Variants in HERC4 observed in about 807,000 individuals in gnomAD.
HERC4 encodes probable E3 ubiquitin-protein ligase HERC4.
Under a neutral mutation model 124.3 loss-of-function variants are expected in HERC4, and 28 were observed. That is an observed-to-expected ratio of 0.23 (90% CI 0.17 to 0.31). HERC4 has a LOEUF of 0.31. Among genes scored for constraint, HERC4 ranks in the 10% least tolerant of loss-of-function variants. The probability of loss-of-function intolerance (pLI) is 1.00; values close to 1 mark genes in which losing one functional copy is unlikely to be tolerated. For synonymous variants in HERC4, 407 were observed against 421.5 expected (o/e 0.97, Z 0.42); for missense variants, 713 against 1,229.3 (o/e 0.58, Z 6.28).
intron 14 of HERC4, 62 bp downstream of exon 14, chr10:67,990,149 C>T (rs1424431033): frequency 1.5e-6 from 2 of 1,378,340 alleles, no homozygotes; most frequent in African/African-American, 1.5e-5. Flanking sequence ...GGCAAAAGAA[C>T]TTATGAAGCA....
intron 23 of HERC4, among the ~76,000 whole-genome samples, chr10:67,925,684 A>T (rs2030833696): frequency 6.6e-6 from 1 of 152,078 alleles, no homozygotes; most frequent in South Asian, 2.1e-4. Context: ...TGTGAATATG[A>T]GGAATGTATG....
intron 15 of HERC4, among the ~76,000 whole-genome samples, chr10:67,970,590 TC>T (rs1272696738): frequency 1.1e-3 from 129 of 122,772 alleles, no homozygotes; most frequent in African/African-American, 3.5e-3. Flanking sequence ...AGACTCTGTC[TC>T]AAAAAAAAAA....
intron 9 of HERC4, chr10:68,010,302 C>G: frequency 2.1e-6 from 2 of 962,902 alleles, no homozygotes; most frequent in Non-Finnish European, 1.6e-6. Flanking sequence ...GCTCCCATAG[C>G]CTGGGGTACC....
intron 19 of HERC4, among the ~76,000 whole-genome samples, chr10:67,949,845 T>C (rs2033668534): frequency 6.6e-6 from 1 of 151,878 alleles, no homozygotes; most frequent in African/African-American, 2.4e-5. Context: ...TGGTGAAACC[T>C]CGTCTCTACC....
chr10:68,042,817 C>T (rs767887562), intron 4 of HERC4, among the ~76,000 whole-genome samples: 9 of 152,090 alleles, frequency 5.9e-5, no homozygotes, highest in Admixed American at 2.0e-4. Flanking sequence ...AACATTTCCA[C>T]TGAAATACTA....
At chr10:67,927,408 A>G (rs1438430617) in intron 23 of HERC4, among the ~76,000 whole-genome samples, 250 of 9,462 alleles carry the variant, frequency 0.026, 19 homozygotes, top group African/African-American at 0.067. Flanking sequence ...ATATATATAT[A>G]TATATATATA....
chr10:68,010,926 T>C (rs557786830), intron 9 of HERC4: 38 of 1,225,640 alleles, frequency 3.1e-5, no homozygotes, highest in Non-Finnish European at 4.3e-5. Flanking sequence ...TTCAGTCACA[T>C]TTTCAGGCTT....
At chr10:67,927,521 G>A (rs2031261507) in intron 23 of HERC4, among the ~76,000 whole-genome samples, 1 of 149,334 alleles carries the variant, frequency 6.7e-6, no homozygotes, top group Admixed American at 6.7e-5. Context: ...TGCCTCCCAG[G>A]TTCAAGCGAT....
At chr10:67,986,707 G>A (rs2036280482) in intron 15 of HERC4, among the ~76,000 whole-genome samples, 2 of 152,206 alleles carry the variant, frequency 1.3e-5, no homozygotes, top group African/African-American at 4.8e-5. Flanking sequence ...ATCAGGGCTG[G>A]TATTTCAATC....
At chr10:67,959,028 A>ACATTTACATTTTTT in intron 16 of HERC4, 1 of 1,165,606 alleles carries the variant, frequency 8.6e-7, no homozygotes, top group South Asian at 1.5e-5. Flanking sequence ...CCACACCAAA[A>ACATTTACATTTTTT]AAACGAATCT....
Position 67,988,849 on chromosome 10 carries a change from G to C in HERC4, c.1634-14C>G. 1 of 1,562,796 alleles carries C rather than the reference G, an allele frequency of 6.4e-7. No homozygotes were observed. Among genetic ancestry groups the C allele is most frequent in the Admixed American group, 2.1e-5 (1 of 47,880 alleles). On this transcript the variant is annotated splice_polypyrimidine_tract_variant and intron_variant, in intron 14 of 24. Coordinates refer to ENST00000373700, the MANE Select transcript of HERC4 (RefSeq NM_015601.4). ...ACCACCAGTTTTCTGTTATTAAAAA[G>C]TGAACATGCAAATAAAATGAATTTT...
At chr10:67,992,760 C>T in intron 9 of HERC4, 78 bp from the exon 10 acceptor site, 1 of 713,014 alleles carries the variant, frequency 1.4e-6, no homozygotes, top group East Asian at 2.7e-5. Flanking sequence ...ATTAGATTTT[C>T]ACATAATCAT....
intron 5 of HERC4, among the ~76,000 whole-genome samples, chr10:68,036,836 T>C (rs2039498020): frequency 6.6e-6 from 1 of 152,174 alleles, no homozygotes; most frequent in African/African-American, 2.4e-5. Context: ...TATTACCAAT[T>C]ATATCAATTA....
At chr10:67,929,313 C>A (rs1442685164) in intron 23 of HERC4, among the ~76,000 whole-genome samples, 1 of 152,200 alleles carries the variant, frequency 6.6e-6, no homozygotes, top group Non-Finnish European at 1.5e-5. Context: ...ACTGAGCAGT[C>A]CCATCACTGT....
intron 3 of HERC4, among the ~76,000 whole-genome samples, chr10:68,066,625 C>T (rs1404860592): frequency 6.6e-6 from 1 of 152,130 alleles, no homozygotes; most frequent in Non-Finnish European, 1.5e-5. Flanking sequence ...ACATGGCGGA[C>T]TTTATACAAC....
Position 68,047,935 on chromosome 10 carries a change from T to G in HERC4, c.227-3372A>C, listed in dbSNP as rs578165472. 2.6e-4 allele frequency among the ~76,000 whole-genome samples: 39 copies of G among 152,172 alleles called. No homozygotes were observed. The South Asian group carries it at 4.6e-3, about 18-fold the overall frequency. On this transcript the variant is annotated intron_variant, in intron 3 of 24. Transcript: ENST00000373700. ...ACATGAATGTTTTGTTTTTGTTTTT[T>G]TTTTTGTGAGACAGGGTCTCACCCT...
Position 68,038,120 on chromosome 10 carries a change from A to G in HERC4, c.436T>C (p.Tyr146His). The change falls in exon 5 of 25, where the codon TAC becomes CAC. Residue 146 changes from tyrosine to histidine, a missense_variant. Transcript: ENST00000373700. ...TTAGAAAGTGCAAGTGAATGATAGT[A>G]ACCACAAGCAACCTGTACAATCTGG... ...DIQIVQVACG[Y>H]YHSLALSKAS... The G allele has an allele frequency of 6.5e-7, 1 of 1,538,144 alleles. No homozygotes were observed. The highest frequency in any genetic ancestry group is 8.7e-7 in the Non-Finnish European group (1 of 1,146,206).
At chr10:68,060,328 C>G (rs1564610997) in intron 3 of HERC4, among the ~76,000 whole-genome samples, 1 of 152,050 alleles carries the variant, frequency 6.6e-6, no homozygotes, top group African/African-American at 2.4e-5. Flanking sequence ...ACCTCTGCTT[C>G]CCGGGTTCAA....
chr10:67,942,693 T>C (rs2033014805), intron 19 of HERC4, among the ~76,000 whole-genome samples: 1 of 152,074 alleles, frequency 6.6e-6, no homozygotes, highest in Non-Finnish European at 1.5e-5. Flanking sequence ...GTATTTTCAG[T>C]AGAAATGGGG....
Sources: gnomAD v4.1 joint callset for allele counts (sites outside exome capture counted in the v4.1 genomes callset) on GRCh38, gnomAD v4.1.1 for gene constraint, MANE v1.5 for transcripts, NCBI Gene and HGNC (gene_info 2026-07-23, HGNC 2026-07-21) for gene names.